Variants in HECTD4 observed in about 807,000 individuals in gnomAD.
HECTD4 encodes the protein HECT domain E3 ubiquitin protein ligase 4.
A neutral mutation model predicts 471.5 loss-of-function variants in HECTD4; 114 were observed. The observed-to-expected ratio is 0.24, with a 90% CI of 0.21 to 0.28. The LOEUF is 0.28. Among genes scored for constraint, HECTD4 ranks in the 10% least tolerant of loss-of-function variants. The pLI is 1.00. For synonymous variants in HECTD4, 2,012 were observed against 2,256.0 expected (o/e 0.89, Z 3.07); for missense variants, 3,866 against 5,651.5 (o/e 0.68, Z 10.13).
intron 60 of HECTD4, among the ~76,000 whole-genome samples, chr12:112,186,159 C>T (rs1045359708): frequency 4.0e-5 from 6 of 151,600 alleles, no homozygotes; most frequent in East Asian, 3.9e-4. Context: ...TATTATTTTT[C>T]TTTTGCAGAG....
At chr12:112,316,631 C>T (rs769699763) in intron 2 of HECTD4, among the ~76,000 whole-genome samples, 1 of 152,028 alleles carries the variant, frequency 6.6e-6, no homozygotes, top group African/African-American at 2.4e-5. Flanking sequence ...TCCCTAAGAC[C>T]GGGCAAGATT....
At position 112,184,566 on chromosome 12, in the gene HECTD4, T is replaced by C; in HGVS notation, c.10400A>G (p.Asp3467Gly). The C allele has an allele frequency of 6.2e-7, 1 of 1,613,602 alleles. No homozygotes were observed. The highest frequency in any genetic ancestry group is 8.5e-7 in the Non-Finnish European group (1 of 1,179,870). The change falls in exon 61 of 76, where the codon GAC becomes GGC. Residue 3467 changes from aspartate (D) to glycine (G), a missense_variant. Coordinates refer to ENST00000682272, the MANE Select transcript of HECTD4 (RefSeq NM_001388303.1). This position sits in a 1 kb window ranked among gnomAD's most constrained non-coding sequence, Gnocchi z 9.1. ...GCTGGACGTGCTGACCTCCATGCTG[T>C]CTGTGCCGGGGAAGGCCAGTGTCTT... ...PEKTLAFPGT[D>G]SMEVSTSSSL...
chr12:112,362,539 G>A (rs942185662), intron 1 of HECTD4, among the ~76,000 whole-genome samples: 1 of 152,068 alleles, frequency 6.6e-6, no homozygotes, highest in Non-Finnish European at 1.5e-5. Flanking sequence ...GGTCAGAGAG[G>A]AATCTGCCTA....
Position 112,216,364 on chromosome 12 carries a change from G to A in HECTD4, c.7393C>T (p.Arg2465Ter). 6.4e-7 allele frequency: 1 copy of A among 1,550,504 alleles called. No homozygotes were observed. Among genetic ancestry groups the A allele is most frequent in the Non-Finnish European group, 8.7e-7 (1 of 1,145,354 alleles). Reference protein sequence around the residue: ...VGTCLFHNNGRAVHYNGSSLL... With the variant: ...VGTCLFHNNG Reference sequence around the variant, plus strand: ...CTGGAGCCATTATAGTGCACGGCTCGGCCGTTGCTATGAAAAATACAAAGA... The same window carrying A: ...CTGGAGCCATTATAGTGCACGGCTCAGCCGTTGCTATGAAAAATACAAAGA... The change falls in exon 48 of 76, where the codon CGA (arginine) becomes TGA (stop). Residue 2465 changes from arginine to a stop codon, truncating the protein, a stop_gained. Coordinates refer to ENST00000682272, the MANE Select transcript of HECTD4 (RefSeq NM_001388303.1). LOFTEE classifies it high-confidence loss of function.
rs752338298 is a variant in HECTD4 at position 112,248,347 on chromosome 12, T to C, written c.4116A>G (p.Lys1372=). The change falls in exon 26 of 76, where the codon AAA becomes AAG. Residue 1372 remains lysine (K), a synonymous_variant. Transcript: ENST00000682272. The part of the protein sequence containing the change: ...LCKIMGETFK[K]LNAMERQLQS... ...GCAGCTGTCTCTCCATGGCATTGAG[T>C]TTCTTAAAGGTCTCTCCCATAATTT... 14 of 1,601,772 alleles carry C rather than the reference T, an allele frequency of 8.7e-6. No homozygotes were observed. In the Admixed American group the frequency reaches 2.4e-4, roughly 28 times the overall value.
At chr12:112,169,000 T>TTC (rs1370357359) in intron 70 of HECTD4, among the ~76,000 whole-genome samples, 2 of 152,200 alleles carry the variant, frequency 1.3e-5, no homozygotes, top group Admixed American at 6.5e-5. Flanking sequence ...CGGACAGCCT[T>TTC]TCCTTCCAGT....
chr12:112,249,862 G>A (rs1209204593), intron 25 of HECTD4: 9 of 425,502 alleles, frequency 2.1e-5, no homozygotes, highest in African/African-American at 8.1e-5. Flanking sequence ...GTTAAGCTGC[G>A]CCCCATCCTC....
intron 1 of HECTD4, among the ~76,000 whole-genome samples, chr12:112,327,107 C>T (rs1039224694): frequency 6.6e-6 from 1 of 152,132 alleles, no homozygotes; most frequent in African/African-American, 2.4e-5. Flanking sequence ...GTGGGCAGAT[C>T]ATGAGGTCAA....
chr12:112,243,509 C>T lies in HECTD4; in HGVS notation c.4802G>A (p.Ser1601Asn), dbSNP rs2033687370. ...TGTCTGTGCAGCCAAAAGGAAACTG[C>T]TGCTGGACACCTGAAACACACAAGG... Reference protein sequence around the residue: ...GTNPDQAVSSSSFLLAAQTRW... With the variant: ...GTNPDQAVSSNSFLLAAQTRW... Residue 1601 changes from serine to asparagine, a missense_variant, in exon 32 of 76, where the codon AGC becomes AAC. Physicochemically the swap from Ser to Asn is conservative, Grantham distance 46. Transcript: ENST00000682272. The surrounding 1 kb of genome is among the most constrained non-coding windows in gnomAD (Gnocchi z 6.6). 2 of 1,604,514 alleles carry T rather than the reference C, an allele frequency of 1.2e-6. No homozygotes were observed. Among genetic ancestry groups the T allele is most frequent in the Non-Finnish European group, 1.7e-6 (2 of 1,175,538 alleles).
chr12:112,204,570 C>T lies in HECTD4; in HGVS notation c.8185G>A (p.Gly2729Ser). 6.2e-7 allele frequency: 1 copy of T among 1,612,968 alleles called. No homozygotes were observed. Among genetic ancestry groups the T allele is most frequent in the Non-Finnish European group, 8.5e-7 (1 of 1,179,010 alleles). ...TVEFLYEENG[G>S]IPRDLYLPTI... is the part of the protein sequence containing the mutation. ...GGAAGATAAAGGTCTCTTGGGATGCCACCATTCTCTTCGTAGAGAAATTCA... is the reference window on the plus strand; with the variant it reads ...GGAAGATAAAGGTCTCTTGGGATGCTACCATTCTCTTCGTAGAGAAATTCA... The change falls in exon 53 of 76, where the codon GGC becomes AGC. Residue 2729 changes from glycine (G) to serine (S), a missense_variant. Coordinates refer to ENST00000682272, the MANE Select transcript of HECTD4 (RefSeq NM_001388303.1).
chr12:112,163,595 C>A lies in HECTD4; in HGVS notation c.12844G>T (p.Glu4282Ter). The change falls in exon 74 of 76, where the codon GAG (glutamate) becomes TAG (stop). Residue 4282 changes from glutamate (E) to a stop codon, truncating the protein, a stop_gained. Coordinates refer to ENST00000682272, the MANE Select transcript of HECTD4 (RefSeq NM_001388303.1). LOFTEE classifies it high-confidence loss of function. This position sits in a 1 kb window ranked among gnomAD's most constrained non-coding sequence, Gnocchi z 8.2. The part of the protein sequence containing the change: ...LQLLTMLSPL[E>*]MELRTCGLPY... ...AGGCCGCAGGTGCGCAGCTCCATCTCCAGTGGGCTGAGCATGGTCAGCAGC... is the reference window on the plus strand; with the variant it reads ...AGGCCGCAGGTGCGCAGCTCCATCTACAGTGGGCTGAGCATGGTCAGCAGC... 6.5e-7 allele frequency: 1 copy of A among 1,528,942 alleles called. No homozygotes were observed. 94.7% of individuals were successfully genotyped at this position (1,528,942 alleles called of 1,614,324 possible).
At chr12:112,171,298 G>A (rs1036819089) in intron 67 of HECTD4, 35 bp from the exon 68 acceptor site, 55 of 1,572,994 alleles carry the variant, frequency 3.5e-5, no homozygotes, top group Non-Finnish European at 4.6e-5. Flanking sequence ...TGAGATCTCG[G>A]CCAGGTGGCT....
At position 112,319,315 on chromosome 12, in the gene HECTD4, C is replaced by A; in HGVS notation, c.605G>T (p.Trp202Leu). The change falls in exon 2 of 76, where the codon TGG becomes TTG. Residue 202 changes from tryptophan to leucine, a missense_variant. Physicochemically the swap from Trp to Leu is moderately conservative, Grantham distance 61. Coordinates refer to ENST00000682272, the MANE Select transcript of HECTD4 (RefSeq NM_001388303.1). This position sits in a 1 kb window ranked among gnomAD's most constrained non-coding sequence, Gnocchi z 5.3. ...LNGIETLLCS[W>L]LEETSDTGRH... Reference sequence around the variant, plus strand: ...GCCTGTGTCAGAAGTCTCCTCTAGCCAAGAGCACAGCAAAGTTTCAATTCC... The same window carrying A: ...GCCTGTGTCAGAAGTCTCCTCTAGCAAAGAGCACAGCAAAGTTTCAATTCC... 1 of 1,536,114 alleles carries A rather than the reference C, an allele frequency of 6.5e-7. No individual in the cohort carries two copies. Among genetic ancestry groups the A allele is most frequent in the South Asian group, 1.2e-5 (1 of 84,070 alleles).
chr12:112,282,111 C>T (rs777327828), intron 8 of HECTD4, among the ~76,000 whole-genome samples: 2 of 151,980 alleles, frequency 1.3e-5, no homozygotes, highest in African/African-American at 2.4e-5. Flanking sequence ...CAGCCAGGCG[C>T]GGTGGCTCAC....
Position 112,229,740 on chromosome 12 carries a change from A to C in HECTD4, c.6477T>G (p.Leu2159=), listed in dbSNP as rs761527412. The C allele has an allele frequency of 1.9e-6, 3 of 1,613,908 alleles. No individual in the cohort carries two copies. The highest frequency in any genetic ancestry group is 1.7e-5 in the Admixed American group (1 of 60,004). ...ARQAVAALCA[L]GGFKETIKIG... Reference sequence around the variant, plus strand: ...TCTTGATTGTCTCTTTGAAGCCTCCAAGTGCACACAGTGCGGCAACGGCCT... The same window carrying C: ...TCTTGATTGTCTCTTTGAAGCCTCCCAGTGCACACAGTGCGGCAACGGCCT... The change falls in exon 41 of 76, where the codon CTT becomes CTG. Residue 2159 remains leucine (L), a synonymous_variant. Transcript: ENST00000682272.
At chr12:112,331,396 G>T (rs531195681) in intron 1 of HECTD4, among the ~76,000 whole-genome samples, 1 of 152,082 alleles carries the variant, frequency 6.6e-6, no homozygotes. Context: ...AAGCCCACAG[G>T]TGAATCCAAT....
At chr12:112,348,377 G>C (rs1362144675) in intron 1 of HECTD4, among the ~76,000 whole-genome samples, 1 of 152,160 alleles carries the variant, frequency 6.6e-6, no homozygotes, top group African/African-American at 2.4e-5. Context: ...ATAGGTTTTA[G>C]AATGCTCCTG....
At chr12:112,266,004 A>C (rs1437293268) in intron 14 of HECTD4, 21 bp from the exon 15 acceptor site, 1 of 1,532,882 alleles carries the variant, frequency 6.5e-7, no homozygotes, top group Non-Finnish European at 9.0e-7. Flanking sequence ...AGAAAGCTCC[A>C]TCAACTACCC....
In HECTD4 at chr12:112,228,268, G is replaced by T. The variant is rs773377564; in HGVS notation, c.6685-10C>A. 4.5e-6 allele frequency: 7 copies of T among 1,561,530 alleles called. No individual in the cohort carries two copies. Among genetic ancestry groups the T allele is most frequent in the Non-Finnish European group, 6.1e-6 (7 of 1,156,842 alleles). ...TATGAAGAGGCAATGCCTGATGGCG[G>T]TGGGGGGGCATGGCAAAAAGTTAAA... On this transcript the variant is annotated splice_polypyrimidine_tract_variant and intron_variant, in intron 42 of 75. Transcript: ENST00000682272. The surrounding 1 kb of genome is among the most constrained non-coding windows in gnomAD (Gnocchi z 4.9).
Sources: gnomAD v4.1 joint callset for allele counts (sites outside exome capture counted in the v4.1 genomes callset) on GRCh38, gnomAD v4.1.1 for gene constraint, Gnocchi (gnomAD v3.1) non-coding constraint, MANE v1.5 for transcripts, NCBI Gene and HGNC (gene_info 2026-07-23, HGNC 2026-07-21) for gene names.